GABBR2: variants seen among roughly 807,000 people sequenced by gnomAD.
GABBR2 encodes gamma-aminobutyric acid type B receptor subunit 2, also known as G-protein coupled receptor 51.
A neutral mutation model predicts 105.6 loss-of-function variants in GABBR2; 23 were observed. That is an observed-to-expected ratio of 0.22 (90% CI 0.16 to 0.31). The LOEUF is 0.31. GABBR2 is among the 10% of genes least tolerant of loss of function. The pLI is 1.00. For synonymous variants in GABBR2, 478 were observed against 499.7 expected (o/e 0.96, Z 0.58); for missense variants, 734 against 1,245.5 (o/e 0.59, Z 6.18).
chr9:98,540,132 G>T (rs1828263842), intron 3 of GABBR2, among the ~76,000 whole-genome samples: 1 of 152,078 alleles, frequency 6.6e-6, no homozygotes, highest in Admixed American at 6.5e-5. Context: ...ACTCCCGCTG[G>T]AGGTCAAGTT....
At chr9:98,562,657 G>GTCAA (rs1828692276) in intron 2 of GABBR2, among the ~76,000 whole-genome samples, 1 of 152,150 alleles carries the variant, frequency 6.6e-6, no homozygotes, top group South Asian at 2.1e-4. Context: ...GTAAACAACT[G>GTCAA]TCAATCCAGA....
chr9:98,333,950 A>G (rs1354771021), intron 13 of GABBR2, among the ~76,000 whole-genome samples: 2 of 152,238 alleles, frequency 1.3e-5, no homozygotes, highest in Non-Finnish European at 2.9e-5. Context: ...TAATTCCCAC[A>G]TGGGGTTGTT....
At chr9:98,702,930 C>G (rs754135817) in intron 1 of GABBR2, among the ~76,000 whole-genome samples, 1 of 152,198 alleles carries the variant, frequency 6.6e-6, no homozygotes, top group South Asian at 2.1e-4. Context: ...ATCACCTCTC[C>G]CCAACTCTGT....
intron 15 of GABBR2, among the ~76,000 whole-genome samples, chr9:98,303,712 G>A (rs1178883320): frequency 2.0e-5 from 3 of 152,194 alleles, no homozygotes; most frequent in Non-Finnish European, 4.4e-5. Context: ...GGCCCCCGAG[G>A]CCTCACTCCA....
intron 1 of GABBR2, among the ~76,000 whole-genome samples, chr9:98,661,416 C>A (rs186107313): frequency 1.2e-3 from 177 of 150,964 alleles, no homozygotes; most frequent in African/African-American, 4.1e-3. Flanking sequence ...CCCCCACCCC[C>A]CCGATATGGA....
intron 1 of GABBR2, among the ~76,000 whole-genome samples, chr9:98,597,881 G>A (rs1309150816): frequency 2.0e-5 from 3 of 152,032 alleles, no homozygotes; most frequent in Admixed American, 6.5e-5. Flanking sequence ...GTGCAGTGGT[G>A]CAATCTCGGC....
intron 18 of GABBR2, 62 bp from the exon 19 acceptor site, chr9:98,290,811 C>G (rs1830292214): frequency 1.6e-6 from 2 of 1,229,022 alleles, no homozygotes; most frequent in Non-Finnish European, 2.2e-6. Flanking sequence ...CAGAAAGTTC[C>G]TTGGACTTGC....
intron 6 of GABBR2, among the ~76,000 whole-genome samples, chr9:98,468,123 C>G (rs182750450): frequency 4.6e-5 from 7 of 152,258 alleles, no homozygotes; most frequent in African/African-American, 1.7e-4. Context: ...GCTCAGAAAG[C>G]CTGAAGGTCC....
At chr9:98,422,881 G>A (rs1337799780) in intron 7 of GABBR2, among the ~76,000 whole-genome samples, 7 of 151,428 alleles carry the variant, frequency 4.6e-5, no homozygotes, top group Admixed American at 2.0e-4. Context: ...TTGTCCTTGC[G>A]ATAGTTTACT....
Position 98,606,483 on chromosome 9 carries a change from C to CTT in GABBR2, c.322-28413_322-28412dup, listed in dbSNP as rs11452013. Among the ~76,000 whole-genome samples the CTT allele has an allele frequency of 6.1e-3, 792 of 130,462 alleles. 12 individuals carry two copies. The highest frequency in any genetic ancestry group is 0.011 in the African/African-American group (380 of 33,958). The allele number at this position is 130,462 out of a possible 152,430, so 85.6% of individuals were successfully genotyped here. ...GTGGTGTCTATTATCTTTTTTTTTT[C>CTT]TTTTTTTTTTTTTTTGAGATGGAGT... On this transcript the variant is annotated intron_variant, in intron 1 of 18. Transcript: ENST00000259455.
chr9:98,311,301 T>C (rs1830632773), intron 13 of GABBR2, 96 bp from the exon 14 acceptor site: 2 of 721,114 alleles, frequency 2.8e-6, no homozygotes, highest in South Asian at 1.7e-5. Flanking sequence ...CTGTGAGCCA[T>C]AGCCAATGCC....
At chr9:98,676,892 C>G (rs572672342) in intron 1 of GABBR2, among the ~76,000 whole-genome samples, 2 of 152,326 alleles carry the variant, frequency 1.3e-5, no homozygotes, top group South Asian at 4.1e-4. Flanking sequence ...TGGACAAACA[C>G]AGAAACAGAT....
In GABBR2 at chr9:98,507,563, T is replaced by C. The variant is rs577117751; in HGVS notation, c.631-11049A>G. Among the ~76,000 whole-genome samples, 4 of 152,326 alleles carry C rather than the reference T, an allele frequency of 2.6e-5. No homozygotes were observed. The South Asian group carries it at 8.3e-4, about 32-fold the overall frequency. On this transcript the variant is annotated intron_variant, in intron 3 of 18. Coordinates refer to ENST00000259455, the MANE Select transcript of GABBR2 (RefSeq NM_005458.8). The stretch of plus-strand genomic sequence containing the variant: ...TCTGATCTTCAGAACTATAAGATAA[T>C]AATTTGTGTTGTTTAAAGCCACTAA...
intron 7 of GABBR2, among the ~76,000 whole-genome samples, chr9:98,453,497 C>T (rs776652452): frequency 6.6e-6 from 1 of 152,210 alleles, no homozygotes; most frequent in Non-Finnish European, 1.5e-5. Context: ...TTTACAGCAC[C>T]ATGTCATACA....
Position 98,306,919 on chromosome 9 carries a change from A to T in GABBR2, c.2005-574T>A, listed in dbSNP as rs1450756434. Among the ~76,000 whole-genome samples, 1 of 152,186 alleles carries T rather than the reference A, an allele frequency of 6.6e-6. No individual in the cohort carries two copies. The highest frequency in any genetic ancestry group is 6.5e-5 in the Admixed American group (1 of 15,278). ...GCTAGCTTCTGGACAATGCCTGTAAATAGAAGTGGTGTGCACATGTTCTGG... is the reference window on the plus strand; with the variant it reads ...GCTAGCTTCTGGACAATGCCTGTAATTAGAAGTGGTGTGCACATGTTCTGG... On this transcript the variant is annotated intron_variant, in intron 14 of 18. Coordinates refer to ENST00000259455, the MANE Select transcript of GABBR2 (RefSeq NM_005458.8). The surrounding 1 kb of genome is among the most constrained non-coding windows in gnomAD (Gnocchi z 5.4).
intron 3 of GABBR2, among the ~76,000 whole-genome samples, chr9:98,520,378 T>C (rs1157026508): frequency 1.3e-5 from 2 of 152,206 alleles, no homozygotes; most frequent in Admixed American, 1.3e-4. Context: ...GGGGGATTCA[T>C]AGGTGCCTGT....
intron 9 of GABBR2, among the ~76,000 whole-genome samples, chr9:98,393,771 G>A (rs993759657): frequency 4.5e-4 from 69 of 152,192 alleles, no homozygotes; most frequent in African/African-American, 1.6e-3. Flanking sequence ...CATTTGAGCT[G>A]GTTATAGAAG....
At chr9:98,322,116 CTATT>C (rs1830832878) in intron 13 of GABBR2, among the ~76,000 whole-genome samples, 1 of 152,034 alleles carries the variant, frequency 6.6e-6, no homozygotes, top group Non-Finnish European at 1.5e-5. Context: ...GCAGGGGATC[CTATT>C]TGGTCCTCTG....
rs368367074 is a variant in GABBR2 at position 98,597,522 on chromosome 9, C to T, written c.322-19450G>A. Among the ~76,000 whole-genome samples the T allele has an allele frequency of 4.8e-4, 73 of 152,302 alleles. 3 individuals carry two copies. The South Asian group carries it at 0.015, about 32-fold the overall frequency. On this transcript the variant is annotated intron_variant, in intron 1 of 18. Transcript: ENST00000259455. Reference sequence around the variant, plus strand: ...TGGAAACAGAAGCTCAAAGAGTTTACATAACCAACTCCAGGACACACAGAC... The same window carrying T: ...TGGAAACAGAAGCTCAAAGAGTTTATATAACCAACTCCAGGACACACAGAC...
Sources: gnomAD v4.1 joint callset for allele counts (sites outside exome capture counted in the v4.1 genomes callset) on GRCh38, gnomAD v4.1.1 for gene constraint, Gnocchi (gnomAD v3.1) non-coding constraint, MANE v1.5 for transcripts, NCBI Gene and HGNC (gene_info 2026-07-23, HGNC 2026-07-21) for gene names.